Variants in LRMDA observed in about 807,000 individuals in gnomAD.
The protein encoded by LRMDA is leucine-rich melanocyte differentiation-associated protein.
Under a neutral mutation model 29.8 loss-of-function variants are expected in LRMDA, and 18 were observed. The ratio of observed to expected loss-of-function variants is 0.60; its 90% CI spans 0.42 to 0.90. The LOEUF (loss-of-function observed/expected upper bound fraction) is 0.90, where lower values mean the gene tolerates loss of function less well. Among genes scored for constraint, LRMDA ranks in the 40% least tolerant of loss-of-function variants. LRMDA has a pLI of 0.00. For missense variants in LRMDA, 273 were observed against 273.9 expected, an observed-to-expected ratio of 1.00 and a Z score of 0.02; for synonymous variants, 125 against 109.4, an observed-to-expected ratio of 1.14 and a Z score of -0.89.
At chr10:76,489,567 G>A (rs1034147583) in intron 6 of LRMDA, among the ~76,000 whole-genome samples, 8 of 151,238 alleles carry the variant, frequency 5.3e-5, no homozygotes, top group African/African-American at 1.9e-4. Flanking sequence ...GAGTTTTGTT[G>A]CTCTTGCTCT....
intron 6 of LRMDA, among the ~76,000 whole-genome samples, chr10:76,493,680 C>T (rs1842855559): frequency 6.6e-6 from 1 of 151,844 alleles, no homozygotes; most frequent in Non-Finnish European, 1.5e-5. Context: ...GTAAGTTCTC[C>T]AAGTTGTTCA....
At chr10:75,887,993 A>G (rs1845419057) in intron 2 of LRMDA, among the ~76,000 whole-genome samples, 1 of 152,240 alleles carries the variant, frequency 6.6e-6, no homozygotes. Flanking sequence ...AGAGTAATAA[A>G]TATAGTCAAT....
chr10:75,848,695 T>C (rs1844681941), intron 2 of LRMDA, among the ~76,000 whole-genome samples: 1 of 152,144 alleles, frequency 6.6e-6, no homozygotes, highest in Non-Finnish European at 1.5e-5. Flanking sequence ...CATTGTTACC[T>C]TAATGCCTCT....
chr10:76,391,615 T>A (rs1384022391), intron 6 of LRMDA, among the ~76,000 whole-genome samples: 1 of 152,186 alleles, frequency 6.6e-6, no homozygotes, highest in Non-Finnish European at 1.5e-5. Flanking sequence ...AACTAAGGTT[T>A]AGGCTAATTT....
chr10:75,674,025 C>T (rs1841931593), intron 2 of LRMDA, among the ~76,000 whole-genome samples: 1 of 152,204 alleles, frequency 6.6e-6, no homozygotes, highest in South Asian at 2.1e-4. Flanking sequence ...CAAGGAGAAA[C>T]ATTGTCTAAA....
intron 2 of LRMDA, among the ~76,000 whole-genome samples, chr10:76,022,856 A>G: frequency 6.6e-6 from 1 of 152,112 alleles, no homozygotes; most frequent in East Asian, 1.9e-4. Context: ...AGGCTGTTTA[A>G]TTTCCGTATC....
intron 5 of LRMDA, among the ~76,000 whole-genome samples, chr10:76,228,480 A>T (rs984547443): frequency 6.6e-6 from 1 of 152,162 alleles, no homozygotes; most frequent in African/African-American, 2.4e-5. Context: ...CAGAATTCAT[A>T]GGATTGGCGT....
intron 1 of LRMDA, among the ~76,000 whole-genome samples, 170 bp downstream of exon 1, chr10:75,431,924 A>T (rs1449335024): frequency 1.3e-5 from 2 of 151,980 alleles, no homozygotes; most frequent in African/African-American, 2.4e-5. Flanking sequence ...GCTAGGACAG[A>T]CCTCGTTTCG....
chr10:75,996,104 T>C (rs539309711), intron 2 of LRMDA, among the ~76,000 whole-genome samples: 1 of 152,340 alleles, frequency 6.6e-6, no homozygotes, highest in Admixed American at 6.5e-5. Context: ...ACTGTGTTTA[T>C]AGGCAATCTG....
At chr10:75,958,236 C>T (rs1255951542) in intron 2 of LRMDA, among the ~76,000 whole-genome samples, 1 of 152,170 alleles carries the variant, frequency 6.6e-6, no homozygotes, top group African/African-American at 2.4e-5. Flanking sequence ...ATTGCATAAA[C>T]AGGGCGCCTT....
chr10:76,269,336 G>T (rs1589403210), intron 5 of LRMDA, among the ~76,000 whole-genome samples: 1 of 152,196 alleles, frequency 6.6e-6, no homozygotes, highest in South Asian at 2.1e-4. Flanking sequence ...TTTGAATTAA[G>T]AATCTCTTCC....
At chr10:76,460,743 C>T (rs1328804257) in intron 6 of LRMDA, among the ~76,000 whole-genome samples, 1 of 152,194 alleles carries the variant, frequency 6.6e-6, no homozygotes, top group Admixed American at 6.5e-5. Context: ...CAGCACTCTT[C>T]ATTTCCCTAC....
chr10:76,332,443 A>C (rs1233773796), intron 6 of LRMDA, among the ~76,000 whole-genome samples: 2 of 152,180 alleles, frequency 1.3e-5, no homozygotes, highest in Non-Finnish European at 2.9e-5. Context: ...GTAGACAGAG[A>C]AGGGCTACGA....
chr10:75,847,761 T>A (rs1844665498), intron 2 of LRMDA, among the ~76,000 whole-genome samples: 1 of 152,122 alleles, frequency 6.6e-6, no homozygotes, highest in African/African-American at 2.4e-5. Flanking sequence ...TCAACATCAC[T>A]AATCATAAGG....
chr10:76,329,843 G>GT (rs919660049), intron 6 of LRMDA, among the ~76,000 whole-genome samples: 1 of 152,168 alleles, frequency 6.6e-6, no homozygotes, highest in South Asian at 2.1e-4. Flanking sequence ...GAAAAACTGT[G>GT]TTTTTTTAAA....
At chr10:76,425,770 G>A (rs1487675532) in intron 6 of LRMDA, among the ~76,000 whole-genome samples, 41 of 122,500 alleles carry the variant, frequency 3.3e-4, no homozygotes, top group Non-Finnish European at 6.5e-4. Flanking sequence ...ACCCCACAAC[G>A]GGCGCTGGTG....
chr10:76,227,611 T>C (rs1851984169), intron 5 of LRMDA, among the ~76,000 whole-genome samples: 1 of 152,188 alleles, frequency 6.6e-6, no homozygotes, highest in African/African-American at 2.4e-5. Context: ...GTAAAGCCAT[T>C]CTTGTAATCA....
intron 2 of LRMDA, among the ~76,000 whole-genome samples, chr10:75,989,757 C>T (rs918581220): frequency 1.3e-5 from 2 of 152,214 alleles, no homozygotes; most frequent in Non-Finnish European, 2.9e-5. Context: ...AGCCAGGGGT[C>T]TGTTCAAGTT....
chr10:76,502,188 CTG>C (rs954499763), intron 6 of LRMDA, among the ~76,000 whole-genome samples: 4 of 151,838 alleles, frequency 2.6e-5, no homozygotes, highest in Non-Finnish European at 5.9e-5. Flanking sequence ...CACTTTATTT[CTG>C]TGTTTTCTTT....
Sources: gnomAD v4.1 joint callset for allele counts (sites outside exome capture counted in the v4.1 genomes callset) on GRCh38, gnomAD v4.1.1 for gene constraint, MANE v1.5 for transcripts, NCBI Gene and HGNC (gene_info 2026-07-23, HGNC 2026-07-21) for gene names.